The following ANKS6 variants were observed in gnomAD, a reference collection of about 807,000 sequenced individuals.
ANKS6 encodes ankyrin repeat and sterile alpha motif domain containing 6, also known as ankyrin repeat and SAM domain-containing protein 6.
ANKS6 carries 47 observed loss-of-function variants against 77.9 expected under a neutral mutation model. The observed-to-expected ratio is 0.60, with a 90% CI of 0.48 to 0.77. ANKS6 has a LOEUF of 0.77. Among genes scored for constraint, ANKS6 ranks in the 30% least tolerant of loss-of-function variants. ANKS6 has a pLI of 0.00. For missense variants in ANKS6, 1,150 were observed against 1,159.1 expected, an observed-to-expected ratio of 0.99 and a Z score of 0.11; for synonymous variants, 488 against 501.7, an observed-to-expected ratio of 0.97 and a Z score of 0.37.
intron 12 of ANKS6, among the ~76,000 whole-genome samples, chr9:98,751,482 T>C (rs1156382500): frequency 6.6e-6 from 1 of 152,160 alleles, no homozygotes; most frequent in East Asian, 1.9e-4. Flanking sequence ...TAAATGCCAA[T>C]GCCAGCAAGT....
rs77432442 is a variant in ANKS6 at position 98,735,883 on chromosome 9, G to C, written c.*636C>G. The C allele has an allele frequency of 1.7e-4, 204 of 1,232,228 alleles. No individual in the cohort carries two copies. In the African/African-American group the frequency reaches 2.9e-3, roughly 17 times the overall value. 76.3% of individuals were successfully genotyped at this position (1,232,228 alleles called of 1,614,324 possible). ...CACATACACAGCACTAAGGGACCCA[G>C]TGGCTGAAAGGGGGTCAAAAAAGAC... is the stretch of plus-strand genomic sequence containing the variant. On this transcript the variant is annotated 3_prime_UTR_variant, in exon 15 of 15. Transcript: ENST00000353234.
intron 2 of ANKS6, among the ~76,000 whole-genome samples, chr9:98,789,563 G>GGCAA (rs1335579184): frequency 2.0e-5 from 3 of 152,108 alleles, no homozygotes; most frequent in African/African-American, 4.8e-5. Flanking sequence ...AACAAGGGCT[G>GGCAA]GCAAACTATA....
intron 3 of ANKS6, 42 bp from the exon 4 acceptor site, chr9:98,784,199 TA>T: frequency 6.8e-7 from 1 of 1,477,048 alleles, no homozygotes; most frequent in Non-Finnish European, 9.1e-7. Flanking sequence ...GTGGGCCTGG[TA>T]CCATAGGCTG....
chr9:98,795,508 C>T (rs1045229118), intron 1 of ANKS6, among the ~76,000 whole-genome samples: 3 of 152,162 alleles, frequency 2.0e-5, no homozygotes, highest in Non-Finnish European at 4.4e-5. Context: ...ATACATTCTA[C>T]GCATACCTCA....
At chr9:98,785,115 C>T (rs989059467) in intron 2 of ANKS6, among the ~76,000 whole-genome samples, 2 of 152,194 alleles carry the variant, frequency 1.3e-5, no homozygotes, top group African/African-American at 2.4e-5. Flanking sequence ...CAGCAGATCA[C>T]GGCCCTGATC....
intron 14 of ANKS6, among the ~76,000 whole-genome samples, chr9:98,745,129 T>C (rs752317470): frequency 6.6e-6 from 1 of 152,242 alleles, no homozygotes; most frequent in Non-Finnish European, 1.5e-5. Context: ...GCTCTCTGTG[T>C]GCCAGGAGCT....
rs1305793352 is a variant in ANKS6 at position 98,796,391 on chromosome 9, G to A, written c.101C>T (p.Ala34Val). ...TARRLLEPGA[A>V]EPAERGAEPE... is the part of the protein sequence containing the mutation. ...CTCCGCGCCGCGCTCGGCTGGCTCC[G>A]CCGCCCCCGGCTCCAGCAGCCGCCG... Residue 34 changes from alanine to valine, a missense_variant, in exon 1 of 15, where the codon GCG becomes GTG. Coordinates refer to ENST00000353234, the MANE Select transcript of ANKS6 (RefSeq NM_173551.5). 8.0e-6 allele frequency: 8 copies of A among 1,001,246 alleles called. 1 individual carries two copies. The highest frequency in any genetic ancestry group is 2.1e-4 in the East Asian group (2 of 9,560). The allele number at this position is 1,001,246 out of a possible 1,614,324, so 62.0% of individuals were successfully genotyped here. A position where few individuals can be genotyped will look rare whatever the true frequency, so the allele number is the denominator to read the frequency against.
chr9:98,796,199 A>T lies in ANKS6; in HGVS notation c.293T>A (p.Leu98Gln). The T allele has an allele frequency of 7.0e-7, 1 of 1,418,620 alleles. No individual in the cohort carries two copies. The highest frequency in any genetic ancestry group is 1.5e-5 in the South Asian group (1 of 68,916). The allele number at this position is 1,418,620 out of a possible 1,614,324, so 87.9% of individuals were successfully genotyped here. ...GGHEPLVRFL[L>Q]RRGASVNSRN... ...GCTGTTGACCGAGGCACCGCGGCGC[A>T]GCAGGAAGCGCACCAGCGGTTCGTG... Residue 98 changes from leucine (L) to glutamine (Q), a missense_variant, in exon 1 of 15, where the codon CTG (leucine) becomes CAG (glutamine). Transcript: ENST00000353234.
chr9:98,738,193 A>G (rs1349385775), intron 14 of ANKS6, among the ~76,000 whole-genome samples: 1 of 152,246 alleles, frequency 6.6e-6, no homozygotes, highest in African/African-American at 2.4e-5. Flanking sequence ...TTCATGACCA[A>G]GAACCCAAAA....
At chr9:98,779,788 C>T (rs894418375) in intron 6 of ANKS6, among the ~76,000 whole-genome samples, 8 of 152,050 alleles carry the variant, frequency 5.3e-5, no homozygotes, top group Non-Finnish European at 1.2e-4. Context: ...CTCAGCCTCC[C>T]GTGTAGCTGG....
At chr9:98,788,513 T>TCAAAAA (rs1347748228) in intron 2 of ANKS6, among the ~76,000 whole-genome samples, 4 of 152,242 alleles carry the variant, frequency 2.6e-5, no homozygotes, top group Admixed American at 2.6e-4. Context: ...TGGCCTTGTG[T>TCAAAAA]CAAAAACAAA....
chr9:98,789,550 T>C (rs1402387326), intron 2 of ANKS6, among the ~76,000 whole-genome samples: 3 of 152,150 alleles, frequency 2.0e-5, no homozygotes, highest in African/African-American at 4.8e-5. Context: ...CACACTATTG[T>C]AGAACAAGGG....
chr9:98,741,634 C>A lies in ANKS6; in HGVS notation c.2511+3925G>T, dbSNP rs1021030389. On this transcript the variant is annotated intron_variant, in intron 14 of 14. Transcript: ENST00000353234. ...ACAAAAAGAAACAATGACTTAGGAC[C>A]AACTAACTCCTCATTTCTGGTAAAC... Among the ~76,000 whole-genome samples the A allele has an allele frequency of 2.6e-5, 4 of 152,152 alleles. No individual in the cohort carries two copies. The East Asian group carries it at 5.8e-4, about 22-fold the overall frequency.
rs912720076 is a variant in ANKS6, at chr9:98,742,065, G to A, written c.2511+3494C>T. The stretch of plus-strand genomic sequence containing the variant: ...GGATTCTAAAACCCACCAGCGTGCT[G>A]TGGACCACAGCTAGAAAGACACTGC... On this transcript the variant is annotated intron_variant, in intron 14 of 14. Transcript: ENST00000353234. 2.6e-5 allele frequency among the ~76,000 whole-genome samples: 4 copies of A among 152,192 alleles called. No homozygotes were observed. In the East Asian group the frequency reaches 7.7e-4, roughly 29 times the overall value.
At chr9:98,744,249 A>G (rs1301186078) in intron 14 of ANKS6, among the ~76,000 whole-genome samples, 1 of 152,252 alleles carries the variant, frequency 6.6e-6, no homozygotes, top group African/African-American at 2.4e-5. Flanking sequence ...GGATCACCTT[A>G]TAGCCTTCAG....
intron 13 of ANKS6, 112 bp from the exon 14 acceptor site, chr9:98,745,787 T>C (rs937414533): frequency 1.3e-6 from 1 of 783,102 alleles, no homozygotes; most frequent in African/African-American, 1.7e-5. Flanking sequence ...AGTAAACTGA[T>C]GATGATTTAC....
chr9:98,750,784 G>C (rs1832386456), intron 13 of ANKS6, among the ~76,000 whole-genome samples: 1 of 152,112 alleles, frequency 6.6e-6, no homozygotes, highest in African/African-American at 2.4e-5. Flanking sequence ...TTTCAGGAGA[G>C]GAAGAAACTT....
In ANKS6 at chr9:98,790,270, G is replaced by A. The variant is rs775805698; in HGVS notation, c.696C>T (p.Ala232=). Residue 232 remains alanine, a synonymous_variant, in exon 2 of 15, where the codon GCC becomes GCT. Coordinates refer to ENST00000353234, the MANE Select transcript of ANKS6 (RefSeq NM_173551.5). ...RTVGWSPLML[A]ALTGRLGVAQ... is the part of the protein sequence containing the mutation. ...CCACTCCAAGCCGCCCAGTGAGTGCGGCCAGCATCAGCGGGCTCCAGCCCA... is the reference window on the plus strand; with the variant it reads ...CCACTCCAAGCCGCCCAGTGAGTGCAGCCAGCATCAGCGGGCTCCAGCCCA... 8.7e-6 allele frequency: 14 copies of A among 1,604,452 alleles called. No individual in the cohort carries two copies. The highest frequency in any genetic ancestry group is 2.2e-5 in the South Asian group (2 of 90,902).
Position 98,780,067 on chromosome 9 carries a change from A to T in ANKS6, c.1368+122T>A, listed in dbSNP as rs986754551. ...GTTTCCTATTGCTCAATGCCAGCTC[A>T]CCTGCCACCCCTGCAGGGACTCCCT... On this transcript the variant is annotated intron_variant, in intron 6 of 14. Coordinates refer to ENST00000353234, the MANE Select transcript of ANKS6 (RefSeq NM_173551.5). 1.6e-5 allele frequency: 22 copies of T among 1,367,178 alleles called. No individual in the cohort carries two copies. The African/African-American group carries it at 3.0e-4, about 19-fold the overall frequency. 84.7% of individuals were successfully genotyped at this position (1,367,178 alleles called of 1,614,324 possible).
Sources: gnomAD v4.1 joint callset for allele counts (sites outside exome capture counted in the v4.1 genomes callset) on GRCh38, gnomAD v4.1.1 for gene constraint, MANE v1.5 for transcripts, NCBI Gene and HGNC (gene_info 2026-07-23, HGNC 2026-07-21) for gene names.